BNC2: variants seen among roughly 807,000 people sequenced by gnomAD.
The protein encoded by BNC2 is zinc finger protein basonuclin-2.
In BNC2, 20 loss-of-function variants were observed where a neutral mutation model predicts 76.3. The ratio of observed to expected loss-of-function variants is 0.26; its 90% confidence interval spans 0.18 to 0.38. The LOEUF (loss-of-function observed/expected upper bound fraction) is 0.38. Ranked by LOEUF, BNC2 falls within the 10% of genes least tolerant of loss-of-function variation. BNC2 has a pLI of 1.00. For synonymous variants in BNC2, 582 were observed against 514.8 expected, an observed-to-expected ratio of 1.13 and a Z score of -1.77; for missense variants, 1,382 against 1,399.8, an observed-to-expected ratio of 0.99 and a Z score of 0.20.
At chr9:16,604,655 A>ACCC (rs1820331967) in intron 3 of BNC2, among the ~76,000 whole-genome samples, 1 of 151,898 alleles carries the variant, frequency 6.6e-6, no homozygotes, top group African/African-American at 2.4e-5. Flanking sequence ...AAAAAACACA[A>ACCC]TTAGCCGGGC....
At position 16,419,598 on chromosome 9, in the gene BNC2, A is replaced by G. The variant is rs1820669099; in HGVS notation, c.2691T>C (p.Asp897=). 3 of 1,591,392 alleles carry G rather than the reference A, an allele frequency of 1.9e-6. No individual in the cohort carries two copies. Among genetic ancestry groups the G allele is most frequent in the Non-Finnish European group, 2.6e-6 (3 of 1,169,270 alleles). The change falls in exon 7 of 7, where the codon GAT becomes GAC. Residue 897 remains aspartate, a synonymous_variant. Coordinates refer to ENST00000380672, the MANE Select transcript of BNC2 (RefSeq NM_017637.6). ...GCTGCGACGAGTCCAGGCCCATGTC[A>G]TCGAGTTCTTTGGTCAACAGTTTAC... ...LHRKLLTKEL[D]DMGLDSSQPS...
At chr9:16,742,715 AC>A (rs1824886993) in intron 1 of BNC2, among the ~76,000 whole-genome samples, 1 of 152,124 alleles carries the variant, frequency 6.6e-6, no homozygotes, top group Non-Finnish European at 1.5e-5. Flanking sequence ...TAAAACCAAT[AC>A]TAAATACTTT....
intron 5 of BNC2, among the ~76,000 whole-genome samples, chr9:16,440,333 TAA>T (rs969397009): frequency 7.2e-4 from 109 of 152,214 alleles, no homozygotes; most frequent in African/African-American, 2.6e-3. Flanking sequence ...TCTGTGGTAG[TAA>T]AGAGCAGGAC....
intron 3 of BNC2, chr9:16,685,513 C>T (rs1367804521): frequency 4.0e-6 from 5 of 1,262,498 alleles, no homozygotes; most frequent in Non-Finnish European, 5.3e-6. Context: ...TGTCACACCA[C>T]CCCTAGCTGA....
chr9:16,505,092 A>G (rs1162184925), intron 5 of BNC2, among the ~76,000 whole-genome samples: 1 of 152,236 alleles, frequency 6.6e-6, no homozygotes. Context: ...CCTCATCTGT[A>G]AAATGGAAAG....
chr9:16,552,407 T>G lies in BNC2; in HGVS notation c.669+123A>C. The G allele has an allele frequency of 3.6e-6, 3 of 823,604 alleles. 1 individual carries two copies. The South Asian group carries it at 4.4e-5, about 12-fold the overall frequency. The allele number at this position is 823,604 out of a possible 1,614,324, so 51.0% of individuals were successfully genotyped here. A position where few individuals can be genotyped will look rare whatever the true frequency, so the allele number is the denominator to read the frequency against. ...CTTTCCCCTTCCCTGACAAGCCTGC[T>G]GAAACGACCACTTTAACCAGAGGAG... On this transcript the variant is annotated intron_variant, in intron 5 of 6. Coordinates refer to ENST00000380672, the MANE Select transcript of BNC2 (RefSeq NM_017637.6).
chr9:16,657,083 G>A (rs768743238), intron 3 of BNC2, among the ~76,000 whole-genome samples: 10 of 152,114 alleles, frequency 6.6e-5, no homozygotes, highest in Non-Finnish European at 8.8e-5. Flanking sequence ...TGGATCAACC[G>A]AGAGAGCTCC....
chr9:16,654,870 C>T (rs1291433268), intron 3 of BNC2, among the ~76,000 whole-genome samples: 1 of 152,092 alleles, frequency 6.6e-6, no homozygotes, highest in Middle Eastern at 3.2e-3. Context: ...AAATGACGTT[C>T]CATCATGGAG....
At chr9:16,765,078 A>C (rs1364404784) in intron 1 of BNC2, among the ~76,000 whole-genome samples, 2 of 152,172 alleles carry the variant, frequency 1.3e-5, no homozygotes, top group Non-Finnish European at 2.9e-5. Flanking sequence ...AGAGTCAGAC[A>C]AGGGATGAAG....
At chr9:16,736,921 C>T (rs971503847) in intron 2 of BNC2, among the ~76,000 whole-genome samples, 1 of 152,050 alleles carries the variant, frequency 6.6e-6, no homozygotes. Context: ...ATTCTACTGC[C>T]CCAGCCTCCC....
chr9:16,866,272 T>C (rs1819540771), intron 1 of BNC2, among the ~76,000 whole-genome samples: 1 of 152,214 alleles, frequency 6.6e-6, no homozygotes, highest in Non-Finnish European at 1.5e-5. Context: ...GTCAGGTTTA[T>C]AAATAGTTTA....
chr9:16,689,989 C>G (rs554248839), intron 3 of BNC2, among the ~76,000 whole-genome samples: 4 of 152,284 alleles, frequency 2.6e-5, no homozygotes, highest in African/African-American at 9.6e-5. Flanking sequence ...AATACAAAAG[C>G]AGAAACACAG....
chr9:16,801,893 G>C (rs951042750), intron 1 of BNC2, among the ~76,000 whole-genome samples: 1 of 152,034 alleles, frequency 6.6e-6, no homozygotes, highest in Non-Finnish European at 1.5e-5. Context: ...TCTGGCTCAA[G>C]TCTGAAGTTA....
chr9:16,689,455 C>T (rs1823086085), intron 3 of BNC2, among the ~76,000 whole-genome samples: 1 of 152,100 alleles, frequency 6.6e-6, no homozygotes, highest in Non-Finnish European at 1.5e-5. Flanking sequence ...CGCAGGTAGG[C>T]ATCTGCCTGA....
chr9:16,529,564 A>AT (rs1351047734), intron 5 of BNC2, among the ~76,000 whole-genome samples: 1 of 152,114 alleles, frequency 6.6e-6, no homozygotes, highest in African/African-American at 2.4e-5. Context: ...ATCTTCCCAA[A>AT]TTTTCTTACC....
chr9:16,518,430 AAATAAT>A (rs1210228345), intron 5 of BNC2, among the ~76,000 whole-genome samples: 1 of 152,110 alleles, frequency 6.6e-6, no homozygotes. Context: ...ATATCTTTAA[AAATAAT>A]AATAATAAAA....
intron 5 of BNC2, among the ~76,000 whole-genome samples, chr9:16,538,305 C>G (rs1005611986): frequency 2.0e-5 from 3 of 152,220 alleles, no homozygotes; most frequent in Non-Finnish European, 4.4e-5. Flanking sequence ...ATTCTATGTA[C>G]TGAGTGAAGG....
intron 3 of BNC2, among the ~76,000 whole-genome samples, chr9:16,620,495 T>C (rs1274076087): frequency 1.3e-5 from 2 of 152,140 alleles, no homozygotes; most frequent in East Asian, 1.9e-4. Context: ...CCATCTGATA[T>C]CATTATAAAA....
chr9:16,429,575 G>T, intron 6 of BNC2: 1 of 184,226 alleles, frequency 5.4e-6, no homozygotes, highest in South Asian at 1.2e-4. Context: ...CAGATATTTT[G>T]GCCTGAATTT....
Sources: gnomAD v4.1 joint callset for allele counts (sites outside exome capture counted in the v4.1 genomes callset) on GRCh38, gnomAD v4.1.1 for gene constraint, MANE v1.5 for transcripts, NCBI Gene and HGNC (gene_info 2026-07-23, HGNC 2026-07-21) for gene names.